NDFIP2: variants seen among roughly 807,000 people sequenced by gnomAD.
The protein encoded by NDFIP2 is Nedd4 family interacting protein 2, also known as NEDD4 family-interacting protein 2.
Under a neutral mutation model 36.0 loss-of-function variants are expected in NDFIP2, and 19 were observed. The ratio of observed to expected loss-of-function variants is 0.53; its 90% CI spans 0.37 to 0.77. The LOEUF (loss-of-function observed/expected upper bound fraction) is 0.77. NDFIP2 is among the 30% of genes least tolerant of loss of function. The pLI, the probability that NDFIP2 is intolerant of heterozygous loss-of-function variation, is 0.00. For synonymous variants in NDFIP2, 181 were observed against 167.7 expected (o/e 1.08, Z -0.61); for missense variants, 446 against 435.8 (o/e 1.02, Z -0.21).
intron 2 of NDFIP2, among the ~76,000 whole-genome samples, chr13:79,530,475 CTT>C (rs1446623234): frequency 1.3e-5 from 2 of 152,070 alleles, no homozygotes; most frequent in Non-Finnish European, 2.9e-5. Flanking sequence ...TCAATTGACT[CTT>C]TGTTTTACAA....
intron 1 of NDFIP2, among the ~76,000 whole-genome samples, chr13:79,512,839 A>G (rs1386833726): frequency 6.6e-6 from 1 of 152,168 alleles, no homozygotes; most frequent in Non-Finnish European, 1.5e-5. Flanking sequence ...ACATTTTGTT[A>G]TTGACAGAGT....
rs1197333361 is a variant in NDFIP2, at chr13:79,544,892, T to C, written c.840+1210T>C. Among the ~76,000 whole-genome samples, 4 of 152,290 alleles carry C rather than the reference T, an allele frequency of 2.6e-5. No individual in the cohort carries two copies. In the South Asian group the frequency reaches 6.2e-4, roughly 24 times the overall value. ...TCAGTTAATTCTTGGTTGGGACCTATGGACTGGTTTCTTCTAAGATAGTTA... is the reference window on the plus strand; with the variant it reads ...TCAGTTAATTCTTGGTTGGGACCTACGGACTGGTTTCTTCTAAGATAGTTA... On this transcript the variant is annotated intron_variant, in intron 5 of 7. Coordinates refer to ENST00000218652, the MANE Select transcript of NDFIP2 (RefSeq NM_019080.3).
chr13:79,548,105 A>C (rs1386125366), intron 5 of NDFIP2, among the ~76,000 whole-genome samples: 1 of 152,084 alleles, frequency 6.6e-6, no homozygotes, highest in Non-Finnish European at 1.5e-5. Context: ...TTTGTTTCTA[A>C]AAATACTCCA....
At chr13:79,504,932 A>G (rs1381095881) in intron 1 of NDFIP2, among the ~76,000 whole-genome samples, 1 of 152,164 alleles carries the variant, frequency 6.6e-6, no homozygotes, top group Non-Finnish European at 1.5e-5. Context: ...TGATACTGTC[A>G]TAATTTATTT....
intron 1 of NDFIP2, among the ~76,000 whole-genome samples, chr13:79,508,331 A>T (rs1204838247): frequency 6.6e-6 from 1 of 152,214 alleles, no homozygotes; most frequent in Non-Finnish European, 1.5e-5. Flanking sequence ...TGGATCAGAG[A>T]GCGTTCTTAG....
chr13:79,532,193 A>G (rs1875042955), intron 2 of NDFIP2, among the ~76,000 whole-genome samples: 1 of 152,234 alleles, frequency 6.6e-6, no homozygotes, highest in South Asian at 2.1e-4. Context: ...ACAGAGACAC[A>G]GAGTGAGCAC....
At chr13:79,485,234 A>G (rs546065727) in intron 1 of NDFIP2, among the ~76,000 whole-genome samples, 1 of 152,228 alleles carries the variant, frequency 6.6e-6, no homozygotes, top group South Asian at 2.1e-4. Context: ...CAAGCAGCAA[A>G]TATCTTAGCA....
intron 1 of NDFIP2, among the ~76,000 whole-genome samples, chr13:79,484,991 T>C (rs1339680288): frequency 6.6e-6 from 1 of 152,170 alleles, no homozygotes; most frequent in Non-Finnish European, 1.5e-5. Flanking sequence ...AATAAGTTAG[T>C]GTGTTAATGT....
chr13:79,539,541 T>C (rs1022705568), intron 3 of NDFIP2, 141 bp from the exon 4 acceptor site: 3 of 578,216 alleles, frequency 5.2e-6, no homozygotes, highest in Admixed American at 3.0e-5. Context: ...TTGATTACTC[T>C]GTGCCAGACA....
chr13:79,509,920 C>T (rs564804678), intron 1 of NDFIP2, among the ~76,000 whole-genome samples: 61 of 152,214 alleles, frequency 4.0e-4, no homozygotes, highest in Non-Finnish European at 5.6e-4. Flanking sequence ...ATTCTAGCTG[C>T]GCTGGCAGTT....
At chr13:79,523,419 C>T (rs1333996862) in intron 2 of NDFIP2, among the ~76,000 whole-genome samples, 1 of 152,088 alleles carries the variant, frequency 6.6e-6, no homozygotes, top group Non-Finnish European at 1.5e-5. Context: ...GGCATTTCAC[C>T]ATGTTGGTCA....
intron 1 of NDFIP2, among the ~76,000 whole-genome samples, chr13:79,491,192 C>T (rs1873212306): frequency 6.6e-6 from 1 of 152,172 alleles, no homozygotes; most frequent in Non-Finnish European, 1.5e-5. Flanking sequence ...CTGTATATAT[C>T]TTTCCATACC....
intron 1 of NDFIP2, among the ~76,000 whole-genome samples, chr13:79,498,275 G>A (rs7332059): frequency 0.043 from 6,496 of 151,872 alleles, 482 homozygotes; most frequent in African/African-American, 0.15. Context: ...TTTTTACTAG[G>A]AAATGCTAGT....
rs1301861816 is a variant in NDFIP2, at chr13:79,534,300, C to T, written c.621+844C>T. 2.1e-5 allele frequency among the ~76,000 whole-genome samples: 3 copies of T among 145,018 alleles called. No individual in the cohort carries two copies. The Admixed American group carries it at 2.1e-4, about 10-fold the overall frequency. ...TGACTGTGAAAGAACTCAAGGTAGC[C>T]AAAAAACACAGAGAAATGTTACAAG... On this transcript the variant is annotated intron_variant, in intron 3 of 7. Coordinates refer to ENST00000218652, the MANE Select transcript of NDFIP2 (RefSeq NM_019080.3).
At chr13:79,551,900 A>G (rs1376825901) in intron 7 of NDFIP2, among the ~76,000 whole-genome samples, 2 of 151,404 alleles carry the variant, frequency 1.3e-5, no homozygotes, top group Admixed American at 6.6e-5. Flanking sequence ...TTTGAACTCT[A>G]TTACCAAAAT....
At chr13:79,528,962 A>G (rs529071036) in intron 2 of NDFIP2, among the ~76,000 whole-genome samples, 2 of 152,322 alleles carry the variant, frequency 1.3e-5, no homozygotes, top group African/African-American at 4.8e-5. Flanking sequence ...TATATTCTCC[A>G]TTAGGTCACT....
In NDFIP2 at chr13:79,497,795, G is replaced by GT. The variant is rs1555356394; in HGVS notation, c.321+16271_321+16272insT. On this transcript the variant is annotated intron_variant, in intron 1 of 7. Coordinates refer to ENST00000218652, the MANE Select transcript of NDFIP2 (RefSeq NM_019080.3). ...CCATTTAAATCCTTTATCTGTGGGGGGTGTGTGTGTGTGTGTGTGTGTGTG... is the reference window on the plus strand; with the variant it reads ...CCATTTAAATCCTTTATCTGTGGGGGTGTGTGTGTGTGTGTGTGTGTGTGTG... 3.8e-3 allele frequency among the ~76,000 whole-genome samples: 490 copies of GT among 128,984 alleles called. 4 individuals are homozygous for GT. Among genetic ancestry groups the GT allele is most frequent in the African/African-American group, 9.8e-3 (328 of 33,388 alleles). 84.6% of individuals were successfully genotyped at this position (128,984 alleles called of 152,430 possible). A position where few individuals can be genotyped will look rare whatever the true frequency, so the allele number is the denominator to read the frequency against.
intron 3 of NDFIP2, among the ~76,000 whole-genome samples, chr13:79,537,530 T>A (rs1875289759): frequency 6.6e-6 from 1 of 152,248 alleles, no homozygotes; most frequent in Non-Finnish European, 1.5e-5. Flanking sequence ...ATTTAAAATT[T>A]TATAAATATG....
chr13:79,533,780 T>A (rs115623634), intron 3 of NDFIP2, among the ~76,000 whole-genome samples: 6,740 of 152,214 alleles, frequency 0.044, 514 homozygotes, highest in African/African-American at 0.15. Context: ...CTGTTTATGT[T>A]ATCAGTAAGG....
Sources: allele counts gnomAD v4.1 joint callset (sites outside exome capture counted in the v4.1 genomes callset), GRCh38; gene constraint gnomAD v4.1.1; transcripts MANE v1.5; gene names NCBI Gene and HGNC (gene_info 2026-07-23, HGNC 2026-07-21).